The following CTNNA3 variants were observed in gnomAD, a reference collection of about 807,000 sequenced individuals.
CTNNA3 encodes the protein catenin alpha 3, also known as catenin alpha-3.
In CTNNA3, 76 loss-of-function variants were observed where a neutral mutation model predicts 95.7. That is an observed-to-expected ratio of 0.79 (90% CI 0.66 to 0.96). The LOEUF (loss-of-function observed/expected upper bound fraction) is 0.96. CTNNA3 is among the 40% of genes least tolerant of loss of function. The pLI is 0.00. For synonymous variants in CTNNA3, 431 were observed against 374.4 expected (o/e 1.15, Z -1.74); for missense variants, 1,191 against 1,089.8 (o/e 1.09, Z -1.31).
At chr10:66,584,883 T>C (rs890598997) in intron 10 of CTNNA3, among the ~76,000 whole-genome samples, 5 of 152,066 alleles carry the variant, frequency 3.3e-5, no homozygotes, top group Admixed American at 2.6e-4. Context: ...TGGTTTAGTA[T>C]TGACAAATTC....
In CTNNA3 at chr10:66,370,652, C is replaced by T. The variant is rs144861169; in HGVS notation, c.1732+8500G>A. Among the ~76,000 whole-genome samples, 1,013 of 152,156 alleles carry T rather than the reference C, an allele frequency of 6.7e-3. 1 individual carries two copies. Among genetic ancestry groups the T allele is most frequent in the Middle Eastern group, 0.027 (8 of 294 alleles). ...GCTTGATAACTGCAGAGCCTCTGATCCCCTCGGGCCTTGAGCAGCCACTTC... is the reference window on the plus strand; with the variant it reads ...GCTTGATAACTGCAGAGCCTCTGATTCCCTCGGGCCTTGAGCAGCCACTTC... On this transcript the variant is annotated intron_variant, in intron 12 of 17. Coordinates refer to ENST00000433211, the MANE Select transcript of CTNNA3 (RefSeq NM_013266.4).
At chr10:66,539,725 A>G (rs1841782179) in intron 10 of CTNNA3, among the ~76,000 whole-genome samples, 1 of 152,024 alleles carries the variant, frequency 6.6e-6, no homozygotes, top group Non-Finnish European at 1.5e-5. Flanking sequence ...TCCTTTTTGC[A>G]TAAGAAGTTT....
At chr10:66,473,602 G>A (rs1386848787) in intron 11 of CTNNA3, among the ~76,000 whole-genome samples, 8 of 151,744 alleles carry the variant, frequency 5.3e-5, no homozygotes. Context: ...TGCCAAGTTG[G>A]TGTGCTGCAC....
intron 7 of CTNNA3, among the ~76,000 whole-genome samples, chr10:66,958,055 A>G (rs1736828485): frequency 6.6e-6 from 1 of 152,058 alleles, no homozygotes; most frequent in African/African-American, 2.4e-5. Flanking sequence ...TTGAACACAC[A>G]AACTATGCAA....
At chr10:67,642,867 T>C (rs1041249128) in intron 2 of CTNNA3, among the ~76,000 whole-genome samples, 2 of 152,090 alleles carry the variant, frequency 1.3e-5, no homozygotes, top group Non-Finnish European at 2.9e-5. Flanking sequence ...TTTTACATTG[T>C]TGGTGGGTAT....
chr10:67,488,251 T>C (rs886198956), intron 5 of CTNNA3, among the ~76,000 whole-genome samples: 2 of 152,116 alleles, frequency 1.3e-5, no homozygotes, highest in African/African-American at 4.8e-5. Flanking sequence ...ACCAAAATAA[T>C]TAACTTTTGA....
intron 13 of CTNNA3, among the ~76,000 whole-genome samples, chr10:66,126,471 A>G (rs913603148): frequency 6.6e-6 from 1 of 152,164 alleles, no homozygotes; most frequent in African/African-American, 2.4e-5. Flanking sequence ...GTCAGCTGTC[A>G]CCTAAAAGAA....
At chr10:66,014,586 G>A (rs1178255311) in intron 15 of CTNNA3, among the ~76,000 whole-genome samples, 1 of 152,098 alleles carries the variant, frequency 6.6e-6, no homozygotes. Context: ...TTTTGGTCTA[G>A]TATAAGTACT....
intron 17 of CTNNA3, among the ~76,000 whole-genome samples, chr10:65,921,230 A>T (rs867425710): frequency 1.2e-4 from 18 of 152,342 alleles, no homozygotes; most frequent in African/African-American, 3.8e-4. Flanking sequence ...TTTAGCAACA[A>T]TAAAATACAT....
At chr10:66,738,526 AAT>A (rs1358443862) in intron 9 of CTNNA3, among the ~76,000 whole-genome samples, 2 of 152,172 alleles carry the variant, frequency 1.3e-5, no homozygotes, top group Admixed American at 6.5e-5. Context: ...TTCTAGAAAA[AAT>A]ATGTTTCTAA....
intron 11 of CTNNA3, among the ~76,000 whole-genome samples, chr10:66,449,171 A>T (rs972866976): frequency 6.6e-6 from 1 of 152,146 alleles, no homozygotes; most frequent in East Asian, 1.9e-4. Context: ...TGCCGAGCAA[A>T]ATGAGAGATG....
chr10:67,477,540 G>T (rs1848065830), intron 5 of CTNNA3, among the ~76,000 whole-genome samples: 1 of 152,056 alleles, frequency 6.6e-6, no homozygotes, highest in African/African-American at 2.4e-5. Flanking sequence ...TACAAAACCT[G>T]CCAGTAAAGT....
chr10:67,342,882 A>AGTTTT (rs1171120686), intron 5 of CTNNA3, among the ~76,000 whole-genome samples: 4 of 151,744 alleles, frequency 2.6e-5, no homozygotes, highest in Non-Finnish European at 4.4e-5. Context: ...TAATTTCTCC[A>AGTTTT]GTTTTGTTTT....
chr10:66,254,665 C>T (rs10997013), intron 13 of CTNNA3, among the ~76,000 whole-genome samples: 30,674 of 152,070 alleles, frequency 0.2, 3,771 homozygotes, highest in African/African-American at 0.34. Flanking sequence ...GACACCCTGC[C>T]GGGCATCTTT....
chr10:67,450,358 G>A (rs1035320524), intron 5 of CTNNA3, among the ~76,000 whole-genome samples: 1 of 152,032 alleles, frequency 6.6e-6, no homozygotes, highest in Non-Finnish European at 1.5e-5. Flanking sequence ...AATGTTCACT[G>A]CAGCACAATT....
intron 5 of CTNNA3, among the ~76,000 whole-genome samples, chr10:67,459,700 A>G (rs1333618225): frequency 6.6e-6 from 1 of 152,178 alleles, no homozygotes; most frequent in Non-Finnish European, 1.5e-5. Context: ...ATCACTTTTT[A>G]AAATCACCAT....
intron 12 of CTNNA3, among the ~76,000 whole-genome samples, chr10:66,367,843 C>T (rs1589148931): frequency 7.0e-6 from 1 of 143,774 alleles, no homozygotes; most frequent in Non-Finnish European, 1.5e-5. Context: ...CTTTTTAAGG[C>T]TTCTTTTATA....
At chr10:66,368,425 T>G (rs2092729252) in intron 12 of CTNNA3, among the ~76,000 whole-genome samples, 1 of 151,954 alleles carries the variant, frequency 6.6e-6, no homozygotes, top group Non-Finnish European at 1.5e-5. Flanking sequence ...TTTTTTTCCC[T>G]GTGATAATCC....
At chr10:66,724,129 G>A (rs954004982) in intron 9 of CTNNA3, among the ~76,000 whole-genome samples, 2 of 152,046 alleles carry the variant, frequency 1.3e-5, no homozygotes, top group Admixed American at 6.6e-5. Flanking sequence ...TCTGGATAAT[G>A]GTACCAAGCA....
Sources: allele counts gnomAD v4.1 joint callset (sites outside exome capture counted in the v4.1 genomes callset), GRCh38; gene constraint gnomAD v4.1.1; transcripts MANE v1.5; gene names NCBI Gene and HGNC (gene_info 2026-07-23, HGNC 2026-07-21).